RIMS2: variants seen among roughly 807,000 people sequenced by gnomAD.
RIMS2 encodes regulating synaptic membrane exocytosis protein 2.
RIMS2 carries 59 observed loss-of-function variants against 174.4 expected under a neutral mutation model. That is an observed-to-expected ratio of 0.34 (90% confidence interval 0.27 to 0.42). The LOEUF is 0.42. Among genes scored for constraint, RIMS2 ranks in the 10% least tolerant of loss-of-function variants. The pLI, the probability that RIMS2 is intolerant of heterozygous loss-of-function variation, is 1.00. For missense variants in RIMS2, 1,620 were observed against 1,666.3 expected (o/e 0.97, Z 0.48); for synonymous variants, 606 against 572.5 (o/e 1.06, Z -0.84).
chr8:104,137,101 CT>C (rs1185014256), intron 19 of RIMS2, among the ~76,000 whole-genome samples: 1 of 152,138 alleles, frequency 6.6e-6, no homozygotes, highest in Admixed American at 6.6e-5. Flanking sequence ...GAATTACATA[CT>C]TTTCAAATTT....
intron 9 of RIMS2, 23 bp from the exon 13 acceptor site, chr8:103,921,649 G>A (rs1375393073): frequency 3.4e-6 from 3 of 890,920 alleles, no homozygotes; most frequent in Middle Eastern, 2.2e-4. Flanking sequence ...GTTATTATTC[G>A]TTATGTGTAA....
intron 1 of RIMS2, among the ~76,000 whole-genome samples, chr8:103,692,710 G>A (rs2097046609): frequency 2.0e-5 from 3 of 152,188 alleles, no homozygotes; most frequent in Non-Finnish European, 2.9e-5. Flanking sequence ...TGGAATGGGG[G>A]CCTCACAACT....
chr8:104,028,921 C>T (rs1029065259), intron 19 of RIMS2, among the ~76,000 whole-genome samples: 1 of 152,170 alleles, frequency 6.6e-6, no homozygotes, highest in African/African-American at 2.4e-5. Context: ...AGAATGGTTA[C>T]TACATAGGCA....
chr8:103,766,230 A>G (rs781600636), exon 3 of RIMS2: 33 of 1,609,148 alleles, frequency 2.1e-5, no homozygotes, highest in Non-Finnish European at 2.5e-5. Context: ...TGTGCAGGTT[A>G]TGTGGGTATG....
chr8:103,818,768 A>C (rs1363573438), intron 3 of RIMS2, among the ~76,000 whole-genome samples: 1 of 152,190 alleles, frequency 6.6e-6, no homozygotes, highest in Non-Finnish European at 1.5e-5. Flanking sequence ...TTTAAAAATA[A>C]ATAAATGGAG....
At chr8:103,591,713 A>G (rs779590564) in intron 1 of RIMS2, among the ~76,000 whole-genome samples, 2 of 151,146 alleles carry the variant, frequency 1.3e-5, no homozygotes, top group Admixed American at 6.6e-5. Context: ...GTAGAAAATC[A>G]AGTTATTTCA....
chr8:104,048,849 A>T (rs1194168173), intron 19 of RIMS2, among the ~76,000 whole-genome samples: 2 of 152,128 alleles, frequency 1.3e-5, no homozygotes, highest in South Asian at 2.1e-4. Context: ...CACAACTCAA[A>T]TTATGCCGAG....
intron 2 of RIMS2, among the ~76,000 whole-genome samples, chr8:103,706,792 G>C (rs554419305): frequency 6.6e-6 from 1 of 151,414 alleles, no homozygotes; most frequent in African/African-American, 2.4e-5. Context: ...TGAATCTGCT[G>C]GTATTCTTTG....
At chr8:103,541,793 C>A (rs1205898007) in intron 1 of RIMS2, among the ~76,000 whole-genome samples, 1 of 152,092 alleles carries the variant, frequency 6.6e-6, no homozygotes, top group Non-Finnish European at 1.5e-5. Context: ...ACAACAAAAA[C>A]ATAAAATGTT....
chr8:104,094,366 T>G, intron 19 of RIMS2: 1 of 554,362 alleles, frequency 1.8e-6, no homozygotes, highest in Non-Finnish European at 3.2e-6. Flanking sequence ...AATTTTTACT[T>G]ATGTTTTGAT....
intron 1 of RIMS2, among the ~76,000 whole-genome samples, chr8:103,664,110 A>G (rs968273887): frequency 6.6e-6 from 1 of 152,202 alleles, no homozygotes; most frequent in African/African-American, 2.4e-5. Flanking sequence ...CTTTCCTTAC[A>G]CAGTATAAAA....
chr8:104,143,744 T>C (rs1267572092), intron 19 of RIMS2, among the ~76,000 whole-genome samples: 1 of 152,230 alleles, frequency 6.6e-6, no homozygotes, highest in East Asian at 1.9e-4. Flanking sequence ...TATCCTTCAA[T>C]GTATTTTCTG....
At chr8:104,105,450 G>C (rs773482437) in intron 19 of RIMS2, among the ~76,000 whole-genome samples, 31 of 151,996 alleles carry the variant, frequency 2.0e-4, no homozygotes, top group Non-Finnish European at 4.0e-4. Context: ...TAGTGAAAAG[G>C]GTTCCACTTG....
chr8:104,025,103 C>A (rs1207372138), intron 19 of RIMS2, among the ~76,000 whole-genome samples: 1 of 152,168 alleles, frequency 6.6e-6, no homozygotes, highest in Non-Finnish European at 1.5e-5. Context: ...ATGGCAAAAT[C>A]TGTTCATTCT....
chr8:103,796,982 A>AT (rs1447867424), intron 3 of RIMS2, among the ~76,000 whole-genome samples: 3 of 151,960 alleles, frequency 2.0e-5, no homozygotes, highest in Admixed American at 6.6e-5. Flanking sequence ...AGGGAAAGGG[A>AT]TTTTTTGTGG....
At chr8:103,950,095 G>A (rs1226193422) in intron 14 of RIMS2, among the ~76,000 whole-genome samples, 5 of 152,204 alleles carry the variant, frequency 3.3e-5, no homozygotes, top group Admixed American at 3.3e-4. Context: ...AACTTGAGTA[G>A]CCCAATATCT....
intron 1 of RIMS2, among the ~76,000 whole-genome samples, chr8:103,593,352 GT>G (rs1192451415): frequency 3.3e-5 from 5 of 151,446 alleles, no homozygotes; most frequent in Non-Finnish European, 7.4e-5. Context: ...TTGCACATGG[GT>G]AAAAGACCTA....
intron 14 of RIMS2, among the ~76,000 whole-genome samples, chr8:103,957,055 A>G (rs1163821421): frequency 6.6e-6 from 1 of 152,248 alleles, no homozygotes; most frequent in Admixed American, 6.5e-5. Context: ...GTAAGGTACC[A>G]TCTCATGCCA....
chr8:104,250,331 TTCACTC>T (rs2099354980), intron 22 of RIMS2, among the ~76,000 whole-genome samples: 1 of 152,208 alleles, frequency 6.6e-6, no homozygotes, highest in Non-Finnish European at 1.5e-5. Flanking sequence ...ACTTGTAACT[TTCACTC>T]TGAACTTTTC....
Sources: gnomAD v4.1 joint callset for allele counts (sites outside exome capture counted in the v4.1 genomes callset) on GRCh38, gnomAD v4.1.1 for gene constraint, MANE v1.5 for transcripts, NCBI Gene and HGNC (gene_info 2026-07-23, HGNC 2026-07-21) for gene names.